The following AREL1 variants were observed in gnomAD, a reference collection of about 807,000 sequenced individuals.
AREL1 encodes apoptosis-resistant E3 ubiquitin protein ligase 1.
A neutral mutation model predicts 99.0 loss-of-function variants in AREL1; 62 were observed. That is an observed-to-expected ratio of 0.63 (90% confidence interval 0.51 to 0.77). The LOEUF (loss-of-function observed/expected upper bound fraction) is 0.77. Among genes scored for constraint, AREL1 ranks in the 30% least tolerant of loss-of-function variants. The pLI is 0.00. For synonymous variants in AREL1, 380 were observed against 376.5 expected (o/e 1.01, Z -0.11); for missense variants, 879 against 1,027.6 (o/e 0.86, Z 1.98).
chr14:74,673,254 C>A, intron 9 of AREL1, 36 bp from the exon 10 acceptor site: 1 of 1,608,734 alleles, frequency 6.2e-7, no homozygotes, highest in South Asian at 1.1e-5. Flanking sequence ...ATCTATAAAA[C>A]CCTCAAGGCC....
At position 74,675,786 on chromosome 14, in the gene AREL1, G is replaced by A. The variant is rs774938826; in HGVS notation, c.993C>T (p.Asp331=). 71 of 1,614,012 alleles carry A rather than the reference G, an allele frequency of 4.4e-5. 1 individual carries two copies. The East Asian group carries it at 5.3e-4, about 12-fold the overall frequency. ...CAGAGGGCGAGTCTTCATCTTCCTCGTCAACAGCAGTGGATGGCCGGCGCT... is the reference window on the plus strand; with the variant it reads ...CAGAGGGCGAGTCTTCATCTTCCTCATCAACAGCAGTGGATGGCCGGCGCT... The part of the protein sequence containing the change: ...SSQRRPSTAV[D]EEDEDSPSEC... Residue 331 remains aspartate (D), a synonymous_variant, in exon 8 of 20, where the codon GAC becomes GAT. Coordinates refer to ENST00000356357, the MANE Select transcript of AREL1 (RefSeq NM_001039479.2).
intron 13 of AREL1, 102 bp downstream of exon 13, chr14:74,670,660 A>G (rs962981564): frequency 3.3e-6 from 3 of 914,254 alleles, no homozygotes; most frequent in South Asian, 3.1e-5. Context: ...AGAATAGGAC[A>G]CAGGTTGTCA....
chr14:74,700,504 C>T (rs965443594), intron 1 of AREL1, among the ~76,000 whole-genome samples: 1 of 152,138 alleles, frequency 6.6e-6, no homozygotes, highest in East Asian at 1.9e-4. Flanking sequence ...TTTAGCCGGG[C>T]GCAGTGGCTC....
chr14:74,664,613 A>ATTTTTTTTTTTT (rs747317541), intron 18 of AREL1, among the ~76,000 whole-genome samples: 2 of 117,994 alleles, frequency 1.7e-5, no homozygotes, highest in Non-Finnish European at 3.5e-5. Context: ...CACCCAGCTA[A>ATTTTTTTTTTTT]TTTTTTTTTT....
intron 1 of AREL1, among the ~76,000 whole-genome samples, chr14:74,707,068 C>T (rs1307226085): frequency 6.6e-6 from 1 of 152,168 alleles, no homozygotes; most frequent in African/African-American, 2.4e-5. Context: ...ACTTATTTAT[C>T]AAAATTATAC....
At chr14:74,673,022 T>A (rs2089387529) in intron 10 of AREL1, 55 bp downstream of exon 10, 2 of 1,613,846 alleles carry the variant, frequency 1.2e-6, no homozygotes. Context: ...CTCTCCACCC[T>A]CATGGATGTG....
In AREL1 at chr14:74,667,607, G is replaced by T; in HGVS notation, c.1915-13C>A. 6.3e-7 allele frequency: 1 copy of T among 1,591,532 alleles called. No individual in the cohort carries two copies. The highest frequency in any genetic ancestry group is 8.6e-7 in the Non-Finnish European group (1 of 1,167,888). On this transcript the variant is annotated splice_polypyrimidine_tract_variant and intron_variant, in intron 15 of 19. Coordinates refer to ENST00000356357, the MANE Select transcript of AREL1 (RefSeq NM_001039479.2). ...TGAGTTCTACAACCTGTAACAGGCAGCAAAAGACAGACAAGGGAGAGGCTG... is the reference window on the plus strand; with the variant it reads ...TGAGTTCTACAACCTGTAACAGGCATCAAAAGACAGACAAGGGAGAGGCTG...
chr14:74,684,805 A>G (rs1445058739), intron 3 of AREL1, 125 bp from the exon 4 acceptor site: 6 of 801,894 alleles, frequency 7.5e-6, no homozygotes, highest in Middle Eastern at 2.3e-4. Flanking sequence ...ACTGCCAAAG[A>G]AACACTGCAC....
intron 1 of AREL1, among the ~76,000 whole-genome samples, chr14:74,696,690 T>A (rs2139960948): frequency 6.6e-6 from 1 of 152,122 alleles, no homozygotes; most frequent in East Asian, 1.9e-4. Flanking sequence ...ATTGGTCAGG[T>A]ATGGTGGCTC....
chr14:74,676,803 T>G, intron 5 of AREL1, 51 bp from the exon 6 acceptor site: 1 of 1,377,114 alleles, frequency 7.3e-7, no homozygotes, highest in South Asian at 1.7e-5. Flanking sequence ...TTTTTTTATT[T>G]TTATTTTTTT....
chr14:74,664,613 A>AT (rs747317541), intron 18 of AREL1, among the ~76,000 whole-genome samples: 23,942 of 117,924 alleles, frequency 0.2, 2,979 homozygotes, highest in South Asian at 0.3. Flanking sequence ...CACCCAGCTA[A>AT]TTTTTTTTTT....
In AREL1 at chr14:74,663,955, G is replaced by T. The variant is rs151053775; in HGVS notation, c.2313C>A (p.Pro771=). The part of the protein sequence containing the change: ...LPPGGFAALC[P]SFQIIAAPTH... ...TCGGAGCGGCAATAATCTGAAATGA[G>T]GGACAGAGGGCGGCAAAGCCTCCAG... Residue 771 remains proline (P), a synonymous_variant, in exon 19 of 20, where the codon CCC becomes CCA. Coordinates refer to ENST00000356357, the MANE Select transcript of AREL1 (RefSeq NM_001039479.2). 1.9e-6 allele frequency: 3 copies of T among 1,614,162 alleles called. No individual in the cohort carries two copies. The highest frequency in any genetic ancestry group is 2.5e-6 in the Non-Finnish European group (3 of 1,180,016).
At chr14:74,691,502 G>A (rs1008419411) in intron 2 of AREL1, among the ~76,000 whole-genome samples, 6 of 152,156 alleles carry the variant, frequency 3.9e-5, no homozygotes, top group Non-Finnish European at 8.8e-5. Flanking sequence ...ATCTTACTGT[G>A]AGGAATCTCA....
At position 74,661,351 on chromosome 14, in the gene AREL1, G is replaced by C. The variant is rs576139637; in HGVS notation, c.*2369C>G. 1 of 456,194 alleles carries C rather than the reference G, an allele frequency of 2.2e-6. No individual in the cohort carries two copies. The highest frequency in any genetic ancestry group is 1.5e-5 in the South Asian group (1 of 64,524). The allele number at this position is 456,194 out of a possible 1,614,324, so 28.3% of individuals were successfully genotyped here. On this transcript the variant is annotated 3_prime_UTR_variant, in exon 20 of 20. Transcript: ENST00000356357. ...ACCTGGCCTGACGAATCTGCAGCAG[G>C]GCTTGGTCTCTGCCAATTTTCCAGA...
chr14:74,711,187 C>T (rs547907674), intron 1 of AREL1, among the ~76,000 whole-genome samples: 31 of 147,188 alleles, frequency 2.1e-4, no homozygotes, highest in Admixed American at 3.5e-4. Context: ...GCCGAGATTG[C>T]GCCATTGCAC....
intron 9 of AREL1, among the ~76,000 whole-genome samples, chr14:74,673,516 T>TA (rs2089404320): frequency 6.6e-6 from 1 of 152,226 alleles, no homozygotes; most frequent in South Asian, 2.1e-4. Context: ...AATACGGTGA[T>TA]ATATTAAATA....
chr14:74,674,936 C>CAA (rs1338885102), intron 8 of AREL1, among the ~76,000 whole-genome samples: 1 of 151,946 alleles, frequency 6.6e-6, no homozygotes, highest in African/African-American at 2.4e-5. Flanking sequence ...GGTCCTCACA[C>CAA]AAAAAAGTTC....
At chr14:74,701,154 G>A (rs2090078353) in intron 1 of AREL1, among the ~76,000 whole-genome samples, 1 of 152,144 alleles carries the variant, frequency 6.6e-6, no homozygotes, top group Admixed American at 6.5e-5. Context: ...AATGATCTGT[G>A]AGGTCAAATG....
At chr14:74,702,959 A>C (rs535189842) in intron 1 of AREL1, among the ~76,000 whole-genome samples, 1 of 152,270 alleles carries the variant, frequency 6.6e-6, no homozygotes, top group South Asian at 2.1e-4. Context: ...ATTTTGTTCA[A>C]AGTCATTCAA....
Sources: allele counts gnomAD v4.1 joint callset (sites outside exome capture counted in the v4.1 genomes callset), GRCh38; gene constraint gnomAD v4.1.1; transcripts MANE v1.5; gene names NCBI Gene and HGNC (gene_info 2026-07-23, HGNC 2026-07-21).